DIS3L: variants seen among roughly 807,000 people sequenced by gnomAD.
DIS3L encodes DIS3 like exosome 3'-5' exoribonuclease, also known as DIS3-like exonuclease 1.
A neutral mutation model predicts 120.3 loss-of-function variants in DIS3L; 100 were observed. The observed-to-expected ratio is 0.83, with a 90% CI of 0.71 to 0.98. The LOEUF is 0.98. Among genes scored for constraint, DIS3L ranks in the 50% least tolerant of loss-of-function variants. DIS3L has a pLI of 0.00. For synonymous variants in DIS3L, 426 were observed against 470.6 expected (o/e 0.91, Z 1.23); for missense variants, 1,196 against 1,314.2 (o/e 0.91, Z 1.39).
At chr15:66,314,871 C>G (rs1369042622) in intron 6 of DIS3L, 165 bp from the exon 7 acceptor site, 1 of 642,610 alleles carries the variant, frequency 1.6e-6, no homozygotes, top group Non-Finnish European at 2.6e-6. Flanking sequence ...GCCAGCAATT[C>G]TTCATTCCTA....
At chr15:66,317,360 AAAG>A (rs2092829691) in intron 7 of DIS3L, among the ~76,000 whole-genome samples, 2 of 151,630 alleles carry the variant, frequency 1.3e-5, no homozygotes, top group Admixed American at 6.6e-5. Context: ...AAAAAAAAAA[AAAG>A]AAAAAAGAGA....
At chr15:66,301,782 A>G (rs935150864) in intron 2 of DIS3L, among the ~76,000 whole-genome samples, 4 of 151,076 alleles carry the variant, frequency 2.6e-5, no homozygotes, top group Non-Finnish European at 5.9e-5. Flanking sequence ...ACATGTCTAC[A>G]AGCAAACCTG....
At position 66,331,773 on chromosome 15, in the gene DIS3L, T is replaced by C. The variant is rs1253483255; in HGVS notation, c.2536-102T>C. The C allele has an allele frequency of 4.3e-5, 55 of 1,288,876 alleles. No individual in the cohort carries two copies. The East Asian group carries it at 1.3e-3, about 30-fold the overall frequency. The allele number at this position is 1,288,876 out of a possible 1,614,324, so 79.8% of individuals were successfully genotyped here. ...TTCATAGTAGAGAACAATTTTTATA[T>C]TAATAGTTTTACAGAATCTCACATT... On this transcript the variant is annotated intron_variant, in intron 14 of 16. Transcript: ENST00000319212.
chr15:66,310,536 G>T lies in DIS3L; in HGVS notation c.559-1188G>T, dbSNP rs1038851310. Among the ~76,000 whole-genome samples the T allele has an allele frequency of 1.2e-4, 18 of 152,150 alleles. No individual in the cohort carries two copies. In the East Asian group the frequency reaches 3.5e-3, roughly 29 times the overall value. On this transcript the variant is annotated intron_variant, in intron 4 of 16. Transcript: ENST00000319212. The stretch of plus-strand genomic sequence containing the variant: ...AGGGAAGCCTAGAATTCTCTGTGGG[G>T]ACTTGAAGTTAGATGGAGAAGAGCC...
At chr15:66,313,387 A>C (rs1293149451) in intron 5 of DIS3L, among the ~76,000 whole-genome samples, 3 of 152,202 alleles carry the variant, frequency 2.0e-5, no homozygotes, top group Admixed American at 2.0e-4. Context: ...TGTATAGCTA[A>C]GAGTAGTTCA....
Position 66,295,127 on chromosome 15 carries a change from T to A in DIS3L, c.279T>A (p.His93Gln). 6.2e-7 allele frequency: 1 copy of A among 1,613,952 alleles called. No homozygotes were observed. The highest frequency in any genetic ancestry group is 1.1e-5 in the South Asian group (1 of 91,078). The stretch of plus-strand genomic sequence containing the variant: ...AGACAGCTTGTCAAGCTGTGCAGCA[T>A]CAAAGAGGCAGGAGGTATACGTTTT... The part of the protein sequence containing the change: ...FMQTACQAVQ[H>Q]QRGRRQYNKL... The change falls in exon 2 of 17, where the codon CAT (histidine) becomes CAA (glutamine). Residue 93 changes from histidine (H) to glutamine (Q), a missense_variant. Coordinates refer to ENST00000319212, the MANE Select transcript of DIS3L (RefSeq NM_001143688.3).
intron 7 of DIS3L, 29 bp downstream of exon 7, chr15:66,315,244 T>C: frequency 6.4e-7 from 1 of 1,553,004 alleles, no homozygotes; most frequent in Non-Finnish European, 8.7e-7. Context: ...CACTCCGATG[T>C]CCATTTTTCT....
Position 66,326,291 on chromosome 15 carries a change from C to A in DIS3L, c.2128C>A (p.Pro710Thr). ...FPHQALLRQH[P>T]PPHQEFFSEL... ...TCATCAGGCCTTGCTGCGCCAGCAC[C>A]CTCCTCCACACCAGGAGTTCTTTTC... Residue 710 changes from proline (P) to threonine (T), a missense_variant, in exon 12 of 17, where the codon CCT becomes ACT. Coordinates refer to ENST00000319212, the MANE Select transcript of DIS3L (RefSeq NM_001143688.3). 1.2e-6 allele frequency: 2 copies of A among 1,614,158 alleles called. No homozygotes were observed. The highest frequency in any genetic ancestry group is 1.7e-6 in the Non-Finnish European group (2 of 1,180,040).
intron 7 of DIS3L, among the ~76,000 whole-genome samples, chr15:66,317,725 C>T (rs1489458624): frequency 6.6e-6 from 1 of 151,488 alleles, no homozygotes; most frequent in Non-Finnish European, 1.5e-5. Context: ...GCCTATAGAC[C>T]CAGCTACCCA....
Position 66,329,099 on chromosome 15 carries a change from T to G in DIS3L, c.2331T>G (p.Cys777Trp), listed in dbSNP as rs1566960632. The G allele has an allele frequency of 6.2e-7, 1 of 1,613,442 alleles. No individual in the cohort carries two copies. Among genetic ancestry groups the G allele is most frequent in the African/African-American group, 1.3e-5 (1 of 74,930 alleles). Residue 777 changes from cysteine (C) to tryptophan (W), a missense_variant, in exon 13 of 17, where the codon TGT becomes TGG. Coordinates refer to ENST00000319212, the MANE Select transcript of DIS3L (RefSeq NM_001143688.3). The stretch of plus-strand genomic sequence containing the variant: ...CTCTGTACTTCTCCACCGGATCCTG[T>G]GCGGAGGAGGAGTTCCATCATTACG... ...SNALYFSTGS[C>W]AEEEFHHYGL...
chr15:66,317,821 C>A, intron 7 of DIS3L, among the ~76,000 whole-genome samples: 2 of 146,516 alleles, frequency 1.4e-5, no homozygotes, highest in Non-Finnish European at 3.0e-5. Flanking sequence ...GCCTGGGCAG[C>A]ATAGTGAGAT....
At chr15:66,328,677 A>G (rs1384004988) in intron 12 of DIS3L, among the ~76,000 whole-genome samples, 2 of 152,264 alleles carry the variant, frequency 1.3e-5, no homozygotes, top group African/African-American at 4.8e-5. Flanking sequence ...AATTCAATTC[A>G]ACGAGTATTT....
chr15:66,319,234 A>G (rs750920220), intron 8 of DIS3L, among the ~76,000 whole-genome samples: 5 of 152,306 alleles, frequency 3.3e-5, no homozygotes, highest in Non-Finnish European at 7.3e-5. Context: ...CACTGTGCCC[A>G]GCCCCAAGAT....
At chr15:66,309,586 T>C (rs559391226) in intron 4 of DIS3L, among the ~76,000 whole-genome samples, 1 of 152,274 alleles carries the variant, frequency 6.6e-6, no homozygotes, top group African/African-American at 2.4e-5. Context: ...GAGGTAGGTA[T>C]TATAATTTAA....
chr15:66,332,694 A>G, intron 15 of DIS3L, 42 bp from the exon 16 acceptor site: 1 of 1,541,894 alleles, frequency 6.5e-7, no homozygotes, highest in Non-Finnish European at 8.8e-7. Flanking sequence ...CTGTGTACTA[A>G]GAATACATTG....
At chr15:66,313,757 GTGTGTGTGTGTGTATATATATA>G (rs1262572444) in intron 5 of DIS3L, among the ~76,000 whole-genome samples, 3 of 131,908 alleles carry the variant, frequency 2.3e-5, no homozygotes, top group Admixed American at 2.2e-4. Flanking sequence ...AAGTGTATAT[GTGTGTGTGTGTGTATATATATA>G]TGTGTGTGTG....
chr15:66,322,629 T>C, intron 9 of DIS3L, 58 bp from the exon 10 acceptor site: 1 of 1,596,422 alleles, frequency 6.3e-7, no homozygotes, highest in Non-Finnish European at 8.5e-7. Context: ...TATTAGTGAG[T>C]GGATTTTTAC....
rs141774650 is a variant in DIS3L at position 66,318,646 on chromosome 15, G to A, written c.1164+28G>A. ...AGTTGGCATTCTACCTCTACTATGG[G>A]ATCTCTACGCTTTCTCCTTCTGTCT... On this transcript the variant is annotated intron_variant, in intron 8 of 16. Transcript: ENST00000319212. The A allele has an allele frequency of 1.1e-3, 1,733 of 1,607,074 alleles. 33 individuals carry two copies. In the East Asian group the frequency reaches 0.03, roughly 28 times the overall value.
intron 11 of DIS3L, among the ~76,000 whole-genome samples, chr15:66,325,558 G>T (rs2092926790): frequency 6.6e-6 from 1 of 152,162 alleles, no homozygotes; most frequent in South Asian, 2.1e-4. Flanking sequence ...GAAACCTGTA[G>T]CTTTGTAATT....
Sources: allele counts gnomAD v4.1 joint callset (sites outside exome capture counted in the v4.1 genomes callset), GRCh38; gene constraint gnomAD v4.1.1; transcripts MANE v1.5; gene names NCBI Gene and HGNC (gene_info 2026-07-23, HGNC 2026-07-21).